LEPR: variants seen among roughly 807,000 people sequenced by gnomAD.
LEPR encodes leptin receptor.
Under a neutral mutation model 114.7 loss-of-function variants are expected in LEPR, and 56 were observed. That is an observed-to-expected ratio of 0.49 (90% confidence interval 0.39 to 0.61). LEPR has a LOEUF of 0.61. LEPR is among the 20% of genes least tolerant of loss of function. LEPR has a pLI of 0.00. For missense variants in LEPR, 1,202 were observed against 1,352.9 expected, an observed-to-expected ratio of 0.89 and a Z score of 1.75; for synonymous variants, 443 against 461.4, an observed-to-expected ratio of 0.96 and a Z score of 0.51.
intron 18 of LEPR, 141 bp from the exon 19 acceptor site, chr1:65,622,765 C>T: frequency 1.3e-6 from 1 of 784,018 alleles, no homozygotes; most frequent in South Asian, 1.7e-5. Flanking sequence ...TCTTCATGGG[C>T]TAGCATGTGA....
At chr1:65,625,917 T>C (rs569666488) in intron 19 of LEPR, among the ~76,000 whole-genome samples, 1 of 152,280 alleles carries the variant, frequency 6.6e-6, no homozygotes, top group African/African-American at 2.4e-5. Context: ...TATAGGTATA[T>C]ATTAATTCAG....
intron 2 of LEPR, among the ~76,000 whole-genome samples, chr1:65,533,658 A>G (rs989488288): frequency 4.6e-5 from 7 of 151,968 alleles, no homozygotes; most frequent in African/African-American, 1.7e-4. Flanking sequence ...CCTTCTACAT[A>G]CTTCTTTATC....
At chr1:65,546,405 G>T (rs1388422194) in intron 2 of LEPR, among the ~76,000 whole-genome samples, 1 of 152,102 alleles carries the variant, frequency 6.6e-6, no homozygotes, top group Non-Finnish European at 1.5e-5. Context: ...GGGCAGTATG[G>T]CCATTTTCAC....
intron 2 of LEPR, among the ~76,000 whole-genome samples, chr1:65,517,666 C>T (rs1293002416): frequency 2.0e-5 from 3 of 152,188 alleles, no homozygotes; most frequent in African/African-American, 7.2e-5. Context: ...TAATAGTCTT[C>T]GATGTGGTAG....
rs1350599759 is a variant in LEPR at position 65,639,494 on chromosome 1, A to G, written c.*2479A>G. 6.6e-6 allele frequency: 1 copy of G among 152,188 alleles called. No homozygotes were observed. The highest frequency in any genetic ancestry group is 2.4e-5 in the African/African-American group (1 of 41,442). 9.4% of individuals were successfully genotyped at this position (152,188 alleles called of 1,614,324 possible). On this transcript the variant is annotated 3_prime_UTR_variant, in exon 20 of 20. Coordinates refer to ENST00000349533, the MANE Select transcript of LEPR (RefSeq NM_002303.6). ...TGGGACCTTGTGAAAACTACCTGCC[A>G]TGAAATACTGGATTTTCACATAATT...
chr1:65,548,403 TG>T (rs1340313507), intron 2 of LEPR, among the ~76,000 whole-genome samples: 1 of 152,132 alleles, frequency 6.6e-6, no homozygotes, highest in East Asian at 1.9e-4. Context: ...ATGTTGACAG[TG>T]GGGTGTTAAA....
At chr1:65,439,907 C>T (rs1328653986) in intron 2 of LEPR, among the ~76,000 whole-genome samples, 1 of 138,794 alleles carries the variant, frequency 7.2e-6, no homozygotes, top group Non-Finnish European at 1.5e-5. Flanking sequence ...GAGGCTGAGG[C>T]AGGAGACTAA....
chr1:65,548,037 C>G (rs1348872697), intron 2 of LEPR, among the ~76,000 whole-genome samples: 4 of 151,608 alleles, frequency 2.6e-5, no homozygotes, highest in Non-Finnish European at 4.4e-5. Flanking sequence ...CAAAGAACAT[C>G]TTTATTTCTG....
chr1:65,581,310 T>C (rs1341793300), intron 5 of LEPR, among the ~76,000 whole-genome samples: 1 of 152,148 alleles, frequency 6.6e-6, no homozygotes, highest in Non-Finnish European at 1.5e-5. Context: ...TAATTCTCCA[T>C]GGTTCTTGGC....
chr1:65,599,884 A>G (rs1251376650), intron 8 of LEPR, among the ~76,000 whole-genome samples: 2 of 152,120 alleles, frequency 1.3e-5, no homozygotes, highest in Non-Finnish European at 2.9e-5. Flanking sequence ...ATCTCATATC[A>G]ATTTCAATAA....
chr1:65,544,130 C>G (rs1216185065), intron 2 of LEPR, among the ~76,000 whole-genome samples: 10 of 151,966 alleles, frequency 6.6e-5, no homozygotes. Context: ...TTTGTGTCCT[C>G]TCTTATTTCC....
chr1:65,571,368 GA>G (rs1361627806), intron 4 of LEPR, among the ~76,000 whole-genome samples: 6 of 151,772 alleles, frequency 4.0e-5, no homozygotes, highest in Admixed American at 3.3e-4. Flanking sequence ...AAAAAGAAAA[GA>G]AAAAAATTCT....
chr1:65,608,767 C>A lies in LEPR; in HGVS notation c.1618C>A (p.Pro540Thr), dbSNP rs895650373. 22 of 1,613,390 alleles carry A rather than the reference C, an allele frequency of 1.4e-5. No individual in the cohort carries two copies. The Admixed American group carries it at 1.5e-4, about 11-fold the overall frequency. Residue 540 changes from proline (P) to threonine (T), a missense_variant, in exon 12 of 20, where the codon CCA (proline) becomes ACA (threonine). Coordinates refer to ENST00000349533, the MANE Select transcript of LEPR (RefSeq NM_002303.6). ...LPDSVVKPLP[P>T]SSVKAEITIN... ...AAAATTTCTAGTGAAGCCACTGCCTCCATCCAGTGTGAAAGCAGAAATTAC... is the reference window on the plus strand; with the variant it reads ...AAAATTTCTAGTGAAGCCACTGCCTACATCCAGTGTGAAAGCAGAAATTAC...
intron 19 of LEPR, among the ~76,000 whole-genome samples, chr1:65,629,147 T>A (rs1658385347): frequency 6.6e-6 from 1 of 152,158 alleles, no homozygotes; most frequent in Non-Finnish European, 1.5e-5. Context: ...CCTTAAGTAA[T>A]CATTTCTCCA....
At chr1:65,508,896 C>A (rs1648890098) in intron 2 of LEPR, among the ~76,000 whole-genome samples, 1 of 151,994 alleles carries the variant, frequency 6.6e-6, no homozygotes, top group Non-Finnish European at 1.5e-5. Flanking sequence ...GTATACAGAT[C>A]TTCCACTTCC....
In LEPR at chr1:65,605,078, A is replaced by G. The variant is rs1557691264; in HGVS notation, c.1444A>G (p.Ile482Val). ...YCSDIPSIHP[I>V]SEPKDCYLQS... ...TTCTGATATTCCATCTATTCATCCC[A>G]TATCTGAGCCCAAAGATTGCTATTT... The change falls in exon 11 of 20, where the codon ATA becomes GTA. Residue 482 changes from isoleucine to valine, a missense_variant. Ile to Val is a conservative substitution (Grantham distance 29). Transcript: ENST00000349533. The G allele has an allele frequency of 6.2e-7, 1 of 1,613,966 alleles. No homozygotes were observed. The highest frequency in any genetic ancestry group is 8.5e-7 in the Non-Finnish European group (1 of 1,180,004).
chr1:65,575,020 A>AT (rs1353702999), intron 5 of LEPR, among the ~76,000 whole-genome samples: 1 of 152,130 alleles, frequency 6.6e-6, no homozygotes, highest in Admixed American at 6.5e-5. Flanking sequence ...CAGAGCTGGA[A>AT]TTCATATATC....
chr1:65,440,018 A>AG (rs1646628575), intron 2 of LEPR, among the ~76,000 whole-genome samples: 1 of 150,070 alleles, frequency 6.7e-6, no homozygotes, highest in African/African-American at 2.4e-5. Flanking sequence ...AAAAAAAAAA[A>AG]AAAAAAGAAA....
chr1:65,579,256 G>A (rs1182206723), intron 5 of LEPR, among the ~76,000 whole-genome samples: 3 of 152,214 alleles, frequency 2.0e-5, no homozygotes, highest in Non-Finnish European at 4.4e-5. Context: ...GGGTTGGAAA[G>A]TGGAGGTGGA....
Sources: allele counts gnomAD v4.1 joint callset (sites outside exome capture counted in the v4.1 genomes callset), GRCh38; gene constraint gnomAD v4.1.1; transcripts MANE v1.5; gene names NCBI Gene and HGNC (gene_info 2026-07-23, HGNC 2026-07-21).